The following BCAS4 variants were observed in gnomAD, a reference collection of about 807,000 sequenced individuals.
BCAS4 encodes breast carcinoma-amplified sequence 4.
In BCAS4, 9 loss-of-function variants were observed where a neutral mutation model predicts 15.7. That is an observed-to-expected ratio of 0.57 (90% confidence interval 0.34 to 1.00). BCAS4 has a LOEUF of 1.00. Ranked by LOEUF, BCAS4 falls within the 50% of genes least tolerant of loss-of-function variation. BCAS4 has a pLI of 0.02. For missense variants in BCAS4, 225 were observed against 239.1 expected (o/e 0.94, Z 0.39); for synonymous variants, 101 against 99.5 (o/e 1.02, Z -0.09).
chr20:50,811,708 C>T (rs531042511), intron 1 of BCAS4, among the ~76,000 whole-genome samples: 1 of 152,044 alleles, frequency 6.6e-6, no homozygotes, highest in South Asian at 2.1e-4. Flanking sequence ...CTGCAACCTC[C>T]AGCTCCAGAG....
At chr20:50,796,487 ATTTTTTTT>A (rs34988437) in intron 1 of BCAS4, among the ~76,000 whole-genome samples, 2 of 6,774 alleles carry the variant, frequency 3.0e-4, no homozygotes, top group Non-Finnish European at 5.3e-4. Flanking sequence ...ATATATATAT[ATTTTTTTT>A]TTTTTTTTTT....
intron 1 of BCAS4, among the ~76,000 whole-genome samples, chr20:50,801,193 G>A (rs1463376878): frequency 2.0e-5 from 3 of 152,108 alleles, no homozygotes; most frequent in African/African-American, 4.8e-5. Flanking sequence ...TTGGGAGGCC[G>A]AGGCGGGTGG....
chr20:50,803,340 T>G (rs547655452), intron 1 of BCAS4, among the ~76,000 whole-genome samples: 1 of 152,254 alleles, frequency 6.6e-6, no homozygotes, highest in African/African-American at 2.4e-5. Context: ...GAGTGCTGAG[T>G]GAGAGGTGCA....
In BCAS4 at chr20:50,795,072, G is replaced by A. The variant is rs2087835309; in HGVS notation, c.-12G>A. ...AGGCAGCCTCCGCCAGCCGGACCCCGTCGCCCTCCTGATGCTGCTCGTGGA... is the reference window on the plus strand; with the variant it reads ...AGGCAGCCTCCGCCAGCCGGACCCCATCGCCCTCCTGATGCTGCTCGTGGA... On this transcript the variant is annotated 5_prime_UTR_variant, in exon 1 of 5. Coordinates refer to ENST00000371608, the MANE Select transcript of BCAS4 (RefSeq NM_198799.4). 3 of 1,492,110 alleles carry A rather than the reference G, an allele frequency of 2.0e-6. No individual in the cohort carries two copies. Among genetic ancestry groups the A allele is most frequent in the Non-Finnish European group, 2.7e-6 (3 of 1,121,428 alleles). 92.4% of individuals were successfully genotyped at this position (1,492,110 alleles called of 1,614,324 possible). A position where few individuals can be genotyped will look rare whatever the true frequency, so the allele number is the denominator to read the frequency against.
intron 4 of BCAS4, among the ~76,000 whole-genome samples, chr20:50,864,877 T>C (rs553245795): frequency 6.6e-6 from 1 of 151,876 alleles, no homozygotes; most frequent in East Asian, 2.0e-4. Context: ...GCAGATTACT[T>C]GAGGTCAGGA....
intron 4 of BCAS4, among the ~76,000 whole-genome samples, chr20:50,847,925 T>C (rs77818398): frequency 6.6e-6 from 1 of 151,930 alleles, no homozygotes; most frequent in Non-Finnish European, 1.5e-5. Flanking sequence ...CATGCCTGTA[T>C]TCCCAGCTAC....
At position 50,876,649 on chromosome 20, in the gene BCAS4, T is replaced by G. The variant is rs746706230; in HGVS notation, c.*41T>G. Reference sequence around the variant, plus strand: ...CATCAGGAACGCTGGAAAGTGACATTGTGTACACACTGCAGCTTGGGGGTT... The same window carrying G: ...CATCAGGAACGCTGGAAAGTGACATGGTGTACACACTGCAGCTTGGGGGTT... On this transcript the variant is annotated 3_prime_UTR_variant, in exon 5 of 5. Coordinates refer to ENST00000371608, the MANE Select transcript of BCAS4 (RefSeq NM_198799.4). 1 of 1,602,948 alleles carries G rather than the reference T, an allele frequency of 6.2e-7. No individual in the cohort carries two copies. Among genetic ancestry groups the G allele is most frequent in the Non-Finnish European group, 8.5e-7 (1 of 1,175,632 alleles).
chr20:50,851,778 G>A lies in BCAS4; in HGVS notation c.399+9878G>A, dbSNP rs780279710. On this transcript the variant is annotated intron_variant, in intron 4 of 4. Transcript: ENST00000371608. The surrounding 1 kb of genome is among the most constrained non-coding windows in gnomAD (Gnocchi z 4.3). ...GAAAACCCTTCCCGCTCCCCACCTG[G>A]CAATGTTCATTATTGTTCAAAGCCC... is the stretch of plus-strand genomic sequence containing the variant. 6.6e-6 allele frequency among the ~76,000 whole-genome samples: 1 copy of A among 152,150 alleles called. No homozygotes were observed. The highest frequency in any genetic ancestry group is 1.5e-5 in the Non-Finnish European group (1 of 68,018).
intron 2 of BCAS4, among the ~76,000 whole-genome samples, chr20:50,825,875 CA>C (rs1472137386): frequency 1.3e-5 from 2 of 151,300 alleles, no homozygotes; most frequent in African/African-American, 2.4e-5. Context: ...AGACTTGTCT[CA>C]AAAAAACAAG....
At chr20:50,862,632 C>G (rs1000510273) in intron 4 of BCAS4, among the ~76,000 whole-genome samples, 1 of 152,102 alleles carries the variant, frequency 6.6e-6, no homozygotes, top group South Asian at 2.1e-4. Context: ...TCCCTGGAGG[C>G]CTGGAATGGG....
intron 1 of BCAS4, among the ~76,000 whole-genome samples, chr20:50,807,407 T>G (rs2088004974): frequency 6.6e-6 from 1 of 152,166 alleles, no homozygotes; most frequent in African/African-American, 2.4e-5. Flanking sequence ...TTGCCCAGGC[T>G]GGTCTTGAAC....
intron 1 of BCAS4, among the ~76,000 whole-genome samples, chr20:50,807,930 G>A (rs1253859127): frequency 1.5e-5 from 2 of 136,908 alleles, no homozygotes; most frequent in African/African-American, 2.8e-5. Flanking sequence ...TTCTTCAGAC[G>A]GGAGTCTCGC....
chr20:50,805,641 C>T (rs1481008996), intron 1 of BCAS4, among the ~76,000 whole-genome samples: 1 of 152,118 alleles, frequency 6.6e-6, no homozygotes, highest in Non-Finnish European at 1.5e-5. Flanking sequence ...ATGACCCCAC[C>T]TGCACTGCTG....
At position 50,820,442 on chromosome 20, in the gene BCAS4, A is replaced by G. The variant is rs566336239; in HGVS notation, c.162+2160A>G. On this transcript the variant is annotated intron_variant, in intron 2 of 4. Transcript: ENST00000371608. ...AATTCAACAGATGGGGAAGGAGTGC[A>G]TTCAGGCAGAGGGACCAGCCTGTGC... Among the ~76,000 whole-genome samples the G allele has an allele frequency of 1.2e-3, 188 of 152,258 alleles. 1 individual carries two copies. Among genetic ancestry groups the G allele is most frequent in the Middle Eastern group, 3.4e-3 (1 of 294 alleles).
chr20:50,834,678 G>A (rs533180855), intron 3 of BCAS4, among the ~76,000 whole-genome samples: 21 of 152,234 alleles, frequency 1.4e-4, no homozygotes, highest in Middle Eastern at 3.4e-3. Context: ...ATTCCTGAAC[G>A]TTTTCCCAAA....
At chr20:50,819,219 T>A (rs1274315171) in intron 2 of BCAS4, among the ~76,000 whole-genome samples, 2 of 151,894 alleles carry the variant, frequency 1.3e-5, no homozygotes, top group Non-Finnish European at 2.9e-5. Context: ...TGCTTCTAGA[T>A]CCCAGTGTTC....
intron 4 of BCAS4, among the ~76,000 whole-genome samples, chr20:50,842,804 G>A (rs1447557304): frequency 1.3e-5 from 2 of 152,188 alleles, no homozygotes; most frequent in Non-Finnish European, 2.9e-5. Context: ...TGGAGCGCCT[G>A]TTTCTGGTGA....
At chr20:50,872,930 C>T (rs906675662) in intron 4 of BCAS4, among the ~76,000 whole-genome samples, 3 of 152,202 alleles carry the variant, frequency 2.0e-5, no homozygotes. Flanking sequence ...CTCCTTGGAG[C>T]CCCTGGGGGC....
intron 3 of BCAS4, among the ~76,000 whole-genome samples, chr20:50,838,114 A>G (rs1258459308): frequency 6.6e-6 from 1 of 152,192 alleles, no homozygotes; most frequent in Non-Finnish European, 1.5e-5. Flanking sequence ...GGTTCACCCA[A>G]TGTCGTTTTG....
Sources: allele counts gnomAD v4.1 joint callset (sites outside exome capture counted in the v4.1 genomes callset), GRCh38; gene constraint gnomAD v4.1.1; non-coding constraint Gnocchi (gnomAD v3.1); transcripts MANE v1.5; gene names NCBI Gene and HGNC (gene_info 2026-07-23, HGNC 2026-07-21).